SPAG5: variants seen among roughly 807,000 people sequenced by gnomAD.
SPAG5 encodes the protein sperm-associated antigen 5.
SPAG5 carries 99 observed loss-of-function variants against 145.4 expected under a neutral mutation model. That is an observed-to-expected ratio of 0.68 (90% CI 0.58 to 0.80). The LOEUF (loss-of-function observed/expected upper bound fraction) is 0.80, where lower values mean the gene tolerates loss of function less well. Ranked by LOEUF, SPAG5 falls within the 30% of genes least tolerant of loss-of-function variation. The pLI is 0.00. For synonymous variants in SPAG5, 477 were observed against 525.4 expected (o/e 0.91, Z 1.26); for missense variants, 1,192 against 1,416.0 (o/e 0.84, Z 2.54).
At position 28,583,552 on chromosome 17, in the gene SPAG5, G is replaced by A; in HGVS notation, c.2644C>T (p.Gln882Ter). ...QKLGLLTEQL[Q>*]SLTLFLQTKL... Reference sequence around the variant, plus strand: ...GTCTGTAGAAAGAGAGTCAGGCTCTGTAGTTGCTCAGTCAGCAGCCCTAGC... The same window carrying A: ...GTCTGTAGAAAGAGAGTCAGGCTCTATAGTTGCTCAGTCAGCAGCCCTAGC... The change falls in exon 15 of 24, where the codon CAG (glutamine) becomes TAG (stop). Residue 882 changes from glutamine to a stop codon, truncating the protein, a stop_gained. Transcript: ENST00000321765. LOFTEE classifies it high-confidence loss of function. 1 of 1,613,066 alleles carries A rather than the reference G, an allele frequency of 6.2e-7. No individual in the cohort carries two copies. Among genetic ancestry groups the A allele is most frequent in the South Asian group, 1.1e-5 (1 of 90,790 alleles).
rs756653005 is a variant in SPAG5, at chr17:28,586,402, G to A, written c.1512+23C>T. On this transcript the variant is annotated intron_variant, in intron 5 of 23. Coordinates refer to ENST00000321765, the MANE Select transcript of SPAG5 (RefSeq NM_006461.4). ...CATCTTCACAGGAGACCCAGTGGTG[G>A]TGTAAGGTCAATCATCACTTACCAT... 7.0e-6 allele frequency: 11 copies of A among 1,574,822 alleles called. No individual in the cohort carries two copies. In the South Asian group the frequency reaches 1.2e-4, roughly 17 times the overall value.
chr17:28,596,057 T>A (rs1425255649), intron 2 of SPAG5, among the ~76,000 whole-genome samples: 1 of 151,298 alleles, frequency 6.6e-6, no homozygotes. Context: ...AAAAAAAAAA[T>A]CTGCCAGGCG....
rs1260017999 is a variant in SPAG5 at position 28,593,038 on chromosome 17, T to C, written c.206A>G (p.Asp69Gly). The change falls in exon 3 of 24, where the codon GAT becomes GGT. Residue 69 changes from aspartate to glycine, a missense_variant. By Grantham distance (94) the Asp-to-Gly change is moderately conservative (BLOSUM62 -1). Transcript: ENST00000321765. ...QEGSNNSSPV[D>G]FVNNKRTDLS... ...GTCTGTCCTCTTGTTATTTACAAAA[T>C]CCACTGGAGATGAGTTGTTGCTGCC... 6.2e-7 allele frequency: 1 copy of C among 1,613,648 alleles called. No individual in the cohort carries two copies. Among genetic ancestry groups the C allele is most frequent in the Non-Finnish European group, 8.5e-7 (1 of 1,179,678 alleles).
At chr17:28,598,744 G>A (rs2070687533) in intron 1 of SPAG5, 109 bp from the exon 2 acceptor site, 2 of 1,517,876 alleles carry the variant, frequency 1.3e-6, no homozygotes, top group East Asian at 2.3e-5. Context: ...GAGTACGCTC[G>A]CACCCTAGTC....
Position 28,598,537 on chromosome 17 carries a change from G to A in SPAG5, c.150C>T (p.Thr50=), listed in dbSNP as rs147639770. The change falls in exon 2 of 24, where the codon ACC becomes ACT. Residue 50 remains threonine, a synonymous_variant. Coordinates refer to ENST00000321765, the MANE Select transcript of SPAG5 (RefSeq NM_006461.4). The part of the protein sequence containing the change: ...GKRSPACSSL[T]PSLCKLGLQE... ...GCAGCCCCAGCTTGCACAGTGATGG[G>A]GTCAGCGAGGAGCAAGCGGGGGATC... 1.1e-5 allele frequency: 18 copies of A among 1,613,782 alleles called. No homozygotes were observed. The African/African-American group carries it at 1.5e-4, about 13-fold the overall frequency.
chr17:28,584,637 C>T lies in SPAG5; in HGVS notation c.2161+15G>A, dbSNP rs74483902. On this transcript the variant is annotated intron_variant, in intron 11 of 23. Transcript: ENST00000321765. ...ATGCTTACATGCATGCATACACACA[C>T]ACACACACAAACACCTGTTGCTAGA... 3.9e-5 allele frequency: 63 copies of T among 1,611,210 alleles called. No homozygotes were observed. The East Asian group carries it at 1.2e-3, about 31-fold the overall frequency.
rs547915742 is a variant in SPAG5 at position 28,591,689 on chromosome 17, C to T, written c.1437+9G>A. 2 of 1,592,258 alleles carry T rather than the reference C, an allele frequency of 1.3e-6. No homozygotes were observed. The highest frequency in any genetic ancestry group is 1.1e-5 in the South Asian group (1 of 89,762). On this transcript the variant is annotated intron_variant, in intron 4 of 23. Transcript: ENST00000321765. ...GGGATCCCTCAAGCTTTGAGAGGAA[C>T]CTTCTTACCCCACTGTGAGATGTGT... is the stretch of plus-strand genomic sequence containing the variant.
chr17:28,591,908 A>C, intron 3 of SPAG5, 36 bp from the exon 4 acceptor site: 1 of 1,610,022 alleles, frequency 6.2e-7, no homozygotes, highest in Non-Finnish European at 8.5e-7. Flanking sequence ...CGAAAAGAAA[A>C]GGAGGGGAAG....
chr17:28,578,293 C>T lies in SPAG5; in HGVS notation c.3355-1G>A. ...GGAACATCACTCTCAGTTTGTCCACCTAGAAATATGTCCAGATCAACAGGG... is the reference window on the plus strand; with the variant it reads ...GGAACATCACTCTCAGTTTGTCCACTTAGAAATATGTCCAGATCAACAGGG... On this transcript the variant is annotated splice_acceptor_variant, in intron 21 of 23. Coordinates refer to ENST00000321765, the MANE Select transcript of SPAG5 (RefSeq NM_006461.4). LOFTEE classifies it high-confidence loss of function. The T allele has an allele frequency of 6.2e-7, 1 of 1,614,178 alleles. No individual in the cohort carries two copies. The highest frequency in any genetic ancestry group is 8.5e-7 in the Non-Finnish European group (1 of 1,180,034).
chr17:28,593,033 C>T lies in SPAG5; in HGVS notation c.211G>A (p.Val71Ile), dbSNP rs140668871. 1.7e-5 allele frequency: 28 copies of T among 1,613,994 alleles called. No homozygotes were observed. In the African/African-American group the frequency reaches 3.5e-4, roughly 20 times the overall value. ...GSNNSSPVDF[V>I]NNKRTDLSSE... Reference sequence around the variant, plus strand: ...GATAAGTCTGTCCTCTTGTTATTTACAAAATCCACTGGAGATGAGTTGTTG... The same window carrying T: ...GATAAGTCTGTCCTCTTGTTATTTATAAAATCCACTGGAGATGAGTTGTTG... The change falls in exon 3 of 24, where the codon GTA (valine) becomes ATA (isoleucine). Residue 71 changes from valine (V) to isoleucine (I), a missense_variant. Transcript: ENST00000321765.
Position 28,584,705 on chromosome 17 carries a change from T to C in SPAG5, c.2108A>G (p.Glu703Gly). 6.2e-7 allele frequency: 1 copy of C among 1,614,136 alleles called. No individual in the cohort carries two copies. The highest frequency in any genetic ancestry group is 8.5e-7 in the Non-Finnish European group (1 of 1,179,994). The part of the protein sequence containing the change: ...VLEQVSAQLE[E>G]CKGQTEQLEL... ...CAGTTGTTCTGTTTGGCCTTTGCAC[T>C]CCTCTAACTGGGCAGAGACTTGTTC... Residue 703 changes from glutamate to glycine, a missense_variant, in exon 11 of 24, where the codon GAG becomes GGG. Around this residue, in one of 5 missense-constraint regions of SPAG5, gnomAD observed 709 missense variants for 840.7 expected, o/e 0.84. Coordinates refer to ENST00000321765, the MANE Select transcript of SPAG5 (RefSeq NM_006461.4).
At chr17:28,591,078 A>T (rs1247518323) in intron 4 of SPAG5, among the ~76,000 whole-genome samples, 1 of 152,146 alleles carries the variant, frequency 6.6e-6, no homozygotes, top group South Asian at 2.1e-4. Flanking sequence ...AAATTATTTT[A>T]AAAAATGTTT....
intron 2 of SPAG5, among the ~76,000 whole-genome samples, chr17:28,594,105 C>T (rs545344779): frequency 9.9e-5 from 15 of 152,060 alleles, no homozygotes; most frequent in Admixed American, 3.9e-4. Flanking sequence ...ATACATGAGG[C>T]GCTGATTAAC....
rs770424210 is a variant in SPAG5, at chr17:28,584,648, A to T, written c.2161+4T>A. ...CATGCATACACACACACACACACAA[A>T]CACCTGTTGCTAGACGACTGTTTTC... is the stretch of plus-strand genomic sequence containing the variant. On this transcript the variant is annotated splice_donor_region_variant and intron_variant, in intron 11 of 23. Coordinates refer to ENST00000321765, the MANE Select transcript of SPAG5 (RefSeq NM_006461.4). 6.2e-6 allele frequency: 10 copies of T among 1,612,910 alleles called. No homozygotes were observed. Among genetic ancestry groups the T allele is most frequent in the Middle Eastern group, 1.6e-4 (1 of 6,078 alleles).
At chr17:28,582,833 C>T (rs2070557552) in intron 15 of SPAG5, 1 of 152,074 alleles carries the variant, frequency 6.6e-6, no homozygotes. Context: ...GTTGAAGAGA[C>T]CAGGTATCCA....
At chr17:28,587,505 A>C (rs1156859638) in intron 4 of SPAG5, among the ~76,000 whole-genome samples, 1 of 151,650 alleles carries the variant, frequency 6.6e-6, no homozygotes, top group East Asian at 1.9e-4. Flanking sequence ...AGATTACGCC[A>C]CTGCACCCCA....
intron 4 of SPAG5, among the ~76,000 whole-genome samples, chr17:28,587,501 C>T (rs1201050003): frequency 1.3e-5 from 2 of 151,366 alleles, no homozygotes; most frequent in East Asian, 1.9e-4. Flanking sequence ...GCCGAGATTA[C>T]GCCACTGCAC....
At chr17:28,583,411 C>T in intron 15 of SPAG5, 100 bp downstream of exon 15, 2 of 1,343,212 alleles carry the variant, frequency 1.5e-6, no homozygotes, top group Non-Finnish European at 2.0e-6. Flanking sequence ...TAACTGAAAT[C>T]ATAAAAGGTC....
At chr17:28,577,877 A>T (rs953321538) in intron 23 of SPAG5, 107 bp from the exon 24 acceptor site, 3 of 1,220,618 alleles carry the variant, frequency 2.5e-6, no homozygotes, top group Admixed American at 1.8e-5. Context: ...CAGACACCAC[A>T]GAGAAGCCTG....
Sources: gnomAD v4.1 joint callset for allele counts (sites outside exome capture counted in the v4.1 genomes callset) on GRCh38, gnomAD v4.1.1 for gene constraint, gnomAD v4.1.1 regional missense constraint, MANE v1.5 for transcripts, NCBI Gene and HGNC (gene_info 2026-07-23, HGNC 2026-07-21) for gene names.